Variants in NLGN1 observed in about 807,000 individuals in gnomAD.
The protein encoded by NLGN1 is neuroligin 1, also known as neuroligin-1.
A neutral mutation model predicts 65.5 loss-of-function variants in NLGN1; 12 were observed. That is an observed-to-expected ratio of 0.18 (90% confidence interval 0.12 to 0.30). NLGN1 has a LOEUF of 0.30. Ranked by LOEUF, NLGN1 falls within the 10% of genes least tolerant of loss-of-function variation. NLGN1 has a pLI of 1.00. For synonymous variants in NLGN1, 350 were observed against 359.5 expected (o/e 0.97, Z 0.30); for missense variants, 750 against 1,007.1 (o/e 0.74, Z 3.46).
intron 3 of NLGN1, among the ~76,000 whole-genome samples, chr3:173,640,342 A>G (rs1022556426): frequency 2.0e-5 from 3 of 152,138 alleles, no homozygotes; most frequent in African/African-American, 7.2e-5. Context: ...TTCTTATAGA[A>G]GAATACCATA....
At chr3:174,008,657 G>T (rs369675212) in intron 4 of NLGN1, among the ~76,000 whole-genome samples, 233 of 152,132 alleles carry the variant, frequency 1.5e-3, no homozygotes, top group African/African-American at 5.4e-3. Context: ...CTACAGCTCA[G>T]ACTGTGCTTT....
intron 4 of NLGN1, among the ~76,000 whole-genome samples, chr3:173,844,093 G>T (rs556090024): frequency 6.6e-6 from 1 of 152,286 alleles, no homozygotes; most frequent in Admixed American, 6.5e-5. Flanking sequence ...GAAAACTCCT[G>T]TTTTTAAAAC....
intron 2 of NLGN1, among the ~76,000 whole-genome samples, chr3:173,540,849 CTTATATA>C (rs1411130121): frequency 1.3e-5 from 2 of 152,166 alleles, no homozygotes; most frequent in East Asian, 1.9e-4. Flanking sequence ...TCTAAATCAA[CTTATATA>C]TTATGTATCT....
intron 2 of NLGN1, among the ~76,000 whole-genome samples, chr3:173,452,041 C>T (rs931837831): frequency 3.8e-4 from 58 of 152,312 alleles, no homozygotes; most frequent in African/African-American, 1.1e-3. Flanking sequence ...CTTCGGCTCA[C>T]GCACAGTGCA....
chr3:173,645,349 C>T (rs936200114), intron 3 of NLGN1, among the ~76,000 whole-genome samples: 10 of 152,226 alleles, frequency 6.6e-5, no homozygotes, highest in Admixed American at 2.0e-4. Context: ...GGATTCCCAC[C>T]AACATTGGGC....
intron 2 of NLGN1, among the ~76,000 whole-genome samples, chr3:173,482,568 G>T (rs1368989817): frequency 1.3e-5 from 2 of 151,558 alleles, no homozygotes; most frequent in African/African-American, 2.4e-5. Flanking sequence ...TTAAAAATTT[G>T]CTAAATCCCT....
At chr3:174,150,919 G>A (rs897629501) in intron 4 of NLGN1, among the ~76,000 whole-genome samples, 2 of 151,818 alleles carry the variant, frequency 1.3e-5, no homozygotes, top group Non-Finnish European at 1.5e-5. Flanking sequence ...CATCAACTAC[G>A]TCCTCTCAAA....
At chr3:173,908,215 A>G (rs1738853437) in intron 4 of NLGN1, among the ~76,000 whole-genome samples, 1 of 152,238 alleles carries the variant, frequency 6.6e-6, no homozygotes, top group African/African-American at 2.4e-5. Context: ...TGATTGCAGT[A>G]AAAACATCAC....
chr3:173,945,828 A>G (rs962715797), intron 4 of NLGN1, among the ~76,000 whole-genome samples: 1 of 152,210 alleles, frequency 6.6e-6, no homozygotes, highest in African/African-American at 2.4e-5. Flanking sequence ...ACAAGCTGTC[A>G]ATCTTCCACT....
chr3:173,962,584 C>T (rs1368614312), intron 4 of NLGN1, among the ~76,000 whole-genome samples: 1 of 152,104 alleles, frequency 6.6e-6, no homozygotes, highest in Non-Finnish European at 1.5e-5. Flanking sequence ...CAAATATTTC[C>T]TAACTTAGTC....
At chr3:173,852,355 C>CAAAAAAAAAAA (rs71162367) in intron 4 of NLGN1, among the ~76,000 whole-genome samples, 3 of 46,650 alleles carry the variant, frequency 6.4e-5, no homozygotes, top group African/African-American at 2.5e-4. Flanking sequence ...GACTCCGTCT[C>CAAAAAAAAAAA]AAAAAAAAAA....
chr3:173,534,553 G>T (rs973807528), intron 2 of NLGN1, among the ~76,000 whole-genome samples: 1 of 152,162 alleles, frequency 6.6e-6, no homozygotes, highest in Admixed American at 6.6e-5. Context: ...TTGTATACAA[G>T]AATTATTGCT....
chr3:173,422,248 G>T (rs1715233840), intron 1 of NLGN1, among the ~76,000 whole-genome samples: 1 of 152,122 alleles, frequency 6.6e-6, no homozygotes, highest in Non-Finnish European at 1.5e-5. Flanking sequence ...AAGACATTAT[G>T]CTAATTGAAA....
chr3:174,279,707 A>G lies in NLGN1; in HGVS notation c.1649+57A>G. 1 of 1,024,932 alleles carries G rather than the reference A, an allele frequency of 9.8e-7. No homozygotes were observed. Among genetic ancestry groups the G allele is most frequent in the Non-Finnish European group, 1.4e-6 (1 of 699,632 alleles). The allele number at this position is 1,024,932 out of a possible 1,614,324, so 63.5% of individuals were successfully genotyped here. On this transcript the variant is annotated intron_variant, in intron 6 of 6. Coordinates refer to ENST00000457714, the Ensembl canonical transcript of NLGN1. This position sits in a 1 kb window ranked among gnomAD's most constrained non-coding sequence, Gnocchi z 4.7. The stretch of plus-strand genomic sequence containing the variant: ...ATAAAAATGTTATTTTAACCATTTT[A>G]AAATAATAGATATTTATGCCCAGAT...
chr3:173,782,691 C>CTTTTTT (rs5854538), intron 3 of NLGN1, among the ~76,000 whole-genome samples: 2 of 144,680 alleles, frequency 1.4e-5, no homozygotes, highest in African/African-American at 2.5e-5. Context: ...CAAAGCTTAC[C>CTTTTTT]TTTTTTTTTT....
intron 1 of NLGN1, among the ~76,000 whole-genome samples, chr3:173,412,823 T>G (rs936621904): frequency 1.3e-5 from 2 of 152,218 alleles, no homozygotes; most frequent in African/African-American, 4.8e-5. Flanking sequence ...AGGGATTCTA[T>G]GAAATTAGAT....
intron 4 of NLGN1, among the ~76,000 whole-genome samples, chr3:174,044,755 G>T (rs73184602): frequency 3.3e-5 from 5 of 151,896 alleles, no homozygotes; most frequent in Admixed American, 3.3e-4. Flanking sequence ...ATATTGATTC[G>T]TAGTTCCCAT....
chr3:173,678,518 G>A (rs995209519), intron 3 of NLGN1, among the ~76,000 whole-genome samples: 3 of 152,072 alleles, frequency 2.0e-5, no homozygotes, highest in Non-Finnish European at 2.9e-5. Flanking sequence ...CAGGTGGAAA[G>A]AGGATGGGGT....
intron 4 of NLGN1, among the ~76,000 whole-genome samples, chr3:173,863,142 A>T (rs1729470753): frequency 6.6e-6 from 1 of 152,160 alleles, no homozygotes; most frequent in Non-Finnish European, 1.5e-5. Flanking sequence ...GATAAAAAAA[A>T]AAAAACTTTC....
Sources: allele counts gnomAD v4.1 joint callset (sites outside exome capture counted in the v4.1 genomes callset), GRCh38; gene constraint gnomAD v4.1.1; non-coding constraint Gnocchi (gnomAD v3.1); transcripts MANE v1.5; gene names NCBI Gene and HGNC (gene_info 2026-07-23, HGNC 2026-07-21).